The following PARVA variants were observed in gnomAD, a reference collection of about 807,000 sequenced individuals.
The protein encoded by PARVA is alpha-parvin.
A neutral mutation model predicts 52.6 loss-of-function variants in PARVA; 25 were observed. That is an observed-to-expected ratio of 0.48 (90% CI 0.35 to 0.66). The LOEUF (loss-of-function observed/expected upper bound fraction) is 0.66, where lower values mean the gene tolerates loss of function less well. Ranked by LOEUF, PARVA falls within the 30% of genes least tolerant of loss-of-function variation. The pLI, the probability that PARVA is intolerant of heterozygous loss-of-function variation, is 0.01. For synonymous variants in PARVA, 185 were observed against 179.1 expected, an observed-to-expected ratio of 1.03 and a Z score of -0.26; for missense variants, 373 against 450.9, an observed-to-expected ratio of 0.83 and a Z score of 1.56.
intron 1 of PARVA, among the ~76,000 whole-genome samples, chr11:12,444,975 G>A (rs1940525031): frequency 1.3e-5 from 2 of 152,186 alleles, no homozygotes; most frequent in African/African-American, 4.8e-5. Context: ...AGAAGGGGCT[G>A]GCAAAGTAGC....
chr11:12,510,576 G>A (rs1281051452), intron 7 of PARVA, among the ~76,000 whole-genome samples: 1 of 83,126 alleles, frequency 1.2e-5, no homozygotes, highest in African/African-American at 5.9e-5. Context: ...AATGAAAAAT[G>A]GTGAAAAATG....
intron 1 of PARVA, 54 bp downstream of exon 1, chr11:12,377,837 G>A (rs1939421719): frequency 4.4e-6 from 6 of 1,372,194 alleles, no homozygotes; most frequent in Non-Finnish European, 5.7e-6. Context: ...GTGCCGTAGG[G>A]GCCGAGGGGC....
chr11:12,405,394 A>G (rs1376884659), intron 1 of PARVA, among the ~76,000 whole-genome samples: 1 of 152,184 alleles, frequency 6.6e-6, no homozygotes, highest in East Asian at 1.9e-4. Flanking sequence ...AAAAGTTTAG[A>G]AAAATATATT....
At chr11:12,398,976 G>C (rs572840418) in intron 1 of PARVA, among the ~76,000 whole-genome samples, 1 of 151,896 alleles carries the variant, frequency 6.6e-6, no homozygotes, top group Admixed American at 6.6e-5. Flanking sequence ...AACCCTATAC[G>C]TAACTATGAG....
intron 1 of PARVA, among the ~76,000 whole-genome samples, chr11:12,413,726 C>A (rs1406602249): frequency 1.3e-5 from 2 of 152,226 alleles, no homozygotes; most frequent in Admixed American, 1.3e-4. Context: ...GCACAGGCGG[C>A]TCCTTGTCCT....
upstream of PARVA, chr11:12,376,790 T>G: frequency 3.3e-6 from 3 of 899,736 alleles, no homozygotes; most frequent in Non-Finnish European, 4.0e-6. Flanking sequence ...CTTCAAACAC[T>G]GTGCTTTGTA....
rs572024361 is a variant in PARVA, at chr11:12,460,443, G to A, written c.137-13302G>A. ...AGTTAATACATGTAAAAAACCAAGT[G>A]TTATATCGATGCACCTGATACAAGG... On this transcript the variant is annotated intron_variant, in intron 1 of 12. Coordinates refer to ENST00000334956, the MANE Select transcript of PARVA (RefSeq NM_018222.5). Among the ~76,000 whole-genome samples the A allele has an allele frequency of 1.4e-4, 22 of 152,220 alleles. No homozygotes were observed. The South Asian group carries it at 4.4e-3, about 30-fold the overall frequency.
chr11:12,425,448 AC>A (rs1940217707), intron 1 of PARVA, among the ~76,000 whole-genome samples: 1 of 151,938 alleles, frequency 6.6e-6, no homozygotes, highest in Non-Finnish European at 1.5e-5. Context: ...TGCACCCCTA[AC>A]CCCAAAATAC....
chr11:12,410,935 G>T (rs191123226), intron 1 of PARVA, among the ~76,000 whole-genome samples: 90 of 152,308 alleles, frequency 5.9e-4, no homozygotes, highest in African/African-American at 2.1e-3. Context: ...CAGGCAAGCT[G>T]TCTAACCTCG....
At chr11:12,405,037 C>A (rs187597056) in intron 1 of PARVA, among the ~76,000 whole-genome samples, 1 of 152,222 alleles carries the variant, frequency 6.6e-6, no homozygotes. Flanking sequence ...TCATTTAAAC[C>A]CTTTTAGCCT....
intron 5 of PARVA, among the ~76,000 whole-genome samples, chr11:12,497,310 T>TA (rs1419794998): frequency 6.6e-6 from 1 of 152,158 alleles, no homozygotes; most frequent in Admixed American, 6.5e-5. Context: ...TTGTAATAGA[T>TA]AAAAATATGA....
chr11:12,377,923 T>G, intron 1 of PARVA, 140 bp downstream of exon 1: 1 of 303,326 alleles, frequency 3.3e-6, no homozygotes, highest in Non-Finnish European at 5.4e-6. Context: ...GTGCGCGCGC[T>G]TCCCGGGTAC....
At chr11:12,457,607 A>C (rs1270711135) in intron 1 of PARVA, among the ~76,000 whole-genome samples, 1 of 152,132 alleles carries the variant, frequency 6.6e-6, no homozygotes, top group Non-Finnish European at 1.5e-5. Flanking sequence ...GCTCTGGTGT[A>C]GAAGGGAGAG....
intron 12 of PARVA, among the ~76,000 whole-genome samples, chr11:12,522,421 CTT>C (rs66494894): frequency 1.3e-4 from 17 of 134,622 alleles, no homozygotes; most frequent in East Asian, 1.1e-3. Flanking sequence ...GAGCTTTATT[CTT>C]TTTTTTTTTT....
chr11:12,384,604 G>T (rs148428187), intron 1 of PARVA, among the ~76,000 whole-genome samples: 1 of 152,206 alleles, frequency 6.6e-6, no homozygotes, highest in Admixed American at 6.5e-5. Context: ...GCTAGAGAAG[G>T]CCTCACTAAG....
intron 4 of PARVA, among the ~76,000 whole-genome samples, chr11:12,489,792 C>CA (rs1236376599): frequency 6.6e-6 from 1 of 151,930 alleles, no homozygotes; most frequent in African/African-American, 2.4e-5. Flanking sequence ...TCACAAGGAA[C>CA]AAAAAAAGCC....
chr11:12,521,496 A>C (rs1159854777), intron 12 of PARVA, among the ~76,000 whole-genome samples: 1 of 152,204 alleles, frequency 6.6e-6, no homozygotes, highest in Non-Finnish European at 1.5e-5. Context: ...ACATAGTTGA[A>C]GATTTGTAAT....
chr11:12,518,562 C>T (rs1411065886), intron 12 of PARVA, 45 bp downstream of exon 12: 1 of 1,359,476 alleles, frequency 7.4e-7, no homozygotes, highest in African/African-American at 1.4e-5. Flanking sequence ...GTGAGACCCT[C>T]TCCCTGCACA....
rs752097398 is a variant in PARVA, at chr11:12,518,492, G to A, written c.1017G>A (p.Leu339=). 13 of 1,613,554 alleles carry A rather than the reference G, an allele frequency of 8.1e-6. No homozygotes were observed. The Middle Eastern group carries it at 4.9e-4, about 61-fold the overall frequency. The change falls in exon 12 of 13, where the codon TTG becomes TTA. Residue 339 remains leucine (L), a synonymous_variant. Transcript: ENST00000334956. ...TTGAGCTCATGCAAGATGGAGGGTTGGAAAAGCCAAAACCGCGGCCAGAAG... is the reference window on the plus strand; with the variant it reads ...TTGAGCTCATGCAAGATGGAGGGTTAGAAAAGCCAAAACCGCGGCCAGAAG... ...FAFELMQDGG[L]EKPKPRPEDI...
Sources: allele counts gnomAD v4.1 joint callset (sites outside exome capture counted in the v4.1 genomes callset), GRCh38; gene constraint gnomAD v4.1.1; transcripts MANE v1.5; gene names NCBI Gene and HGNC (gene_info 2026-07-23, HGNC 2026-07-21).